CASZ1: variants seen among roughly 807,000 people sequenced by gnomAD.
The protein encoded by CASZ1 is zinc finger protein castor homolog 1.
Under a neutral mutation model 135.2 loss-of-function variants are expected in CASZ1, and 28 were observed. The ratio of observed to expected loss-of-function variants is 0.21; its 90% CI spans 0.15 to 0.28. The LOEUF (loss-of-function observed/expected upper bound fraction) is 0.28. CASZ1 is among the 10% of genes least tolerant of loss of function. The pLI is 1.00. For synonymous variants in CASZ1, 1,068 were observed against 1,073.4 expected, an observed-to-expected ratio of 0.99 and a Z score of 0.10; for missense variants, 2,161 against 2,453.3, an observed-to-expected ratio of 0.88 and a Z score of 2.52.
intron 2 of CASZ1, among the ~76,000 whole-genome samples, chr1:10,723,177 G>A (rs570103615): frequency 6.6e-6 from 1 of 152,338 alleles, no homozygotes; most frequent in African/African-American, 2.4e-5. Flanking sequence ...GGCCCCGCCT[G>A]CCAGTGTGGA....
Position 10,713,034 on chromosome 1 carries a change from G to A in CASZ1, c.-76-7490C>T, listed in dbSNP as rs555311999. 5.9e-5 allele frequency among the ~76,000 whole-genome samples: 9 copies of A among 152,286 alleles called. No homozygotes were observed. In the South Asian group the frequency reaches 1.5e-3, roughly 25 times the overall value. On this transcript the variant is annotated intron_variant, in intron 2 of 20. Transcript: ENST00000377022. ...GCAGCCCCCTCAAGCTCCTGCCCCC[G>A]CCCTCCTGCCTGTTCCAGAATGCGT...
In CASZ1 at chr1:10,649,519, C is replaced by G. The variant is rs1642490585; in HGVS notation, c.2881-82G>C. The stretch of plus-strand genomic sequence containing the variant: ...AGCCTGGGGAGCAACAGCCGAAGCT[C>G]TGGGCTGCTGGGACCCACCCAGCCC... On this transcript the variant is annotated intron_variant, in intron 13 of 20. Transcript: ENST00000377022. 1.4e-5 allele frequency: 20 copies of G among 1,458,128 alleles called. 1 individual carries two copies. In the South Asian group the frequency reaches 2.7e-4, roughly 20 times the overall value. 90.3% of individuals were successfully genotyped at this position (1,458,128 alleles called of 1,614,324 possible).
intron 2 of CASZ1, among the ~76,000 whole-genome samples, chr1:10,716,141 C>A (rs1254868198): frequency 1.3e-5 from 2 of 148,574 alleles, no homozygotes; most frequent in African/African-American, 2.5e-5. Flanking sequence ...CCAATCCGCT[C>A]CCCACAGCAC....
rs965144616 is a variant in CASZ1 at position 10,638,038 on chromosome 1, C to T, written c.*904G>A. 6.6e-6 allele frequency: 1 copy of T among 152,484 alleles called. No individual in the cohort carries two copies. The highest frequency in any genetic ancestry group is 1.5e-5 in the Non-Finnish European group (1 of 68,068). 9.4% of individuals were successfully genotyped at this position (152,484 alleles called of 1,614,324 possible). A position where few individuals can be genotyped will look rare whatever the true frequency, so the allele number is the denominator to read the frequency against. On this transcript the variant is annotated 3_prime_UTR_variant, in exon 21 of 21. Coordinates refer to ENST00000377022, the MANE Select transcript of CASZ1 (RefSeq NM_001079843.3). This position sits in a 1 kb window ranked among gnomAD's most constrained non-coding sequence, Gnocchi z 5.9. ...TACAAAAACCCTGGACCAAATCCCA[C>T]AGGATAAACGGGACTGAGCCTCCAA...
chr1:10,639,485 G>C lies in CASZ1; in HGVS notation c.4737C>G (p.Arg1579=). The C allele has an allele frequency of 1.2e-6, 2 of 1,610,514 alleles. No homozygotes were observed. The highest frequency in any genetic ancestry group is 8.5e-7 in the Non-Finnish European group (1 of 1,179,126). ...TCTGCGACATGCCCACCACCGTGTGGCGGCAGCCCGGGAAGGTGCAGTGGA... is the reference window on the plus strand; with the variant it reads ...TCTGCGACATGCCCACCACCGTGTGCCGGCAGCCCGGGAAGGTGCAGTGGA... ...SHFHCTFPGC[R]HTVVGMSQMD... is the part of the protein sequence containing the mutation. The change falls in exon 21 of 21, where the codon CGC becomes CGG. Residue 1579 remains arginine (R), a synonymous_variant. Coordinates refer to ENST00000377022, the MANE Select transcript of CASZ1 (RefSeq NM_001079843.3). The surrounding 1 kb of genome is among the most constrained non-coding windows in gnomAD (Gnocchi z 4.0).
intron 18 of CASZ1, among the ~76,000 whole-genome samples, chr1:10,644,089 G>T (rs1486076196): frequency 2.0e-5 from 3 of 152,144 alleles, no homozygotes; most frequent in African/African-American, 7.2e-5. Flanking sequence ...TTCACTTTTG[G>T]AAGGACCAGA....
intron 2 of CASZ1, among the ~76,000 whole-genome samples, chr1:10,742,701 T>C (rs1239571259): frequency 6.6e-6 from 1 of 152,162 alleles, no homozygotes; most frequent in African/African-American, 2.4e-5. Context: ...TAGAAGCCTC[T>C]GGCCGGGTGT....
intron 2 of CASZ1, among the ~76,000 whole-genome samples, chr1:10,714,010 T>G (rs2100463805): frequency 6.6e-6 from 1 of 152,286 alleles, no homozygotes; most frequent in East Asian, 1.9e-4. Context: ...AAATGAAGGT[T>G]AAGAAACAAG....
At chr1:10,703,722 C>T (rs531385516) in intron 3 of CASZ1, among the ~76,000 whole-genome samples, 17 of 152,218 alleles carry the variant, frequency 1.1e-4, no homozygotes, top group East Asian at 5.8e-4. Flanking sequence ...GAGCGGGGGC[C>T]GGAAAACTTT....
rs964165266 is a variant in CASZ1, at chr1:10,726,097, C to T, written c.-76-20553G>A. ...ACCTATGGGGCAGGGCCTATACTAT[C>T]ACCACCACCACTACTACCAGTACTA... On this transcript the variant is annotated intron_variant, in intron 2 of 20. Coordinates refer to ENST00000377022, the MANE Select transcript of CASZ1 (RefSeq NM_001079843.3). The surrounding 1 kb of genome is among the most constrained non-coding windows in gnomAD (Gnocchi z 5.7). 3.3e-5 allele frequency among the ~76,000 whole-genome samples: 5 copies of T among 152,200 alleles called. No individual in the cohort carries two copies. In the South Asian group the frequency reaches 1.0e-3, roughly 31 times the overall value.
intron 2 of CASZ1, among the ~76,000 whole-genome samples, chr1:10,731,845 A>G (rs1017310808): frequency 3.3e-5 from 5 of 152,232 alleles, no homozygotes; most frequent in Admixed American, 6.5e-5. Flanking sequence ...AACTTGCCAA[A>G]AAATGTAAAG....
chr1:10,751,694 C>T (rs921881887), intron 2 of CASZ1, among the ~76,000 whole-genome samples: 12 of 152,274 alleles, frequency 7.9e-5, no homozygotes, highest in African/African-American at 2.2e-4. Context: ...GGTTCCCACT[C>T]GTGCGGCACC....
chr1:10,685,804 C>T (rs571390694), intron 4 of CASZ1, among the ~76,000 whole-genome samples: 8 of 152,324 alleles, frequency 5.3e-5, no homozygotes, highest in Non-Finnish European at 8.8e-5. Flanking sequence ...TCAAAAACCT[C>T]GAGGGCAGGG....
chr1:10,687,486 T>G (rs996632550), intron 4 of CASZ1, among the ~76,000 whole-genome samples: 1 of 152,232 alleles, frequency 6.6e-6, no homozygotes, highest in African/African-American at 2.4e-5. Context: ...GTGGCCCACA[T>G]ACCACGCCCG....
At position 10,706,403 on chromosome 1, in the gene CASZ1, A is replaced by C. The variant is rs1639174032; in HGVS notation, c.-76-859T>G. Among the ~76,000 whole-genome samples the C allele has an allele frequency of 6.6e-6, 1 of 152,124 alleles. No homozygotes were observed. The highest frequency in any genetic ancestry group is 2.1e-4 in the South Asian group (1 of 4,828). On this transcript the variant is annotated intron_variant, in intron 2 of 20. Transcript: ENST00000377022. This position sits in a 1 kb window ranked among gnomAD's most constrained non-coding sequence, Gnocchi z 4.3. ...CAGGCCCTGCCCCTGCAGGCCTCAG[A>C]ACCCTATCCAGGCTTGGGGAGGGCT...
rs1428569275 is a variant in CASZ1, at chr1:10,638,609, G to C, written c.*333C>G. 6.6e-6 allele frequency: 1 copy of C among 151,056 alleles called. No homozygotes were observed. Among genetic ancestry groups the C allele is most frequent in the East Asian group, 1.9e-4 (1 of 5,168 alleles). 9.4% of individuals were successfully genotyped at this position (151,056 alleles called of 1,614,324 possible). A position where few individuals can be genotyped will look rare whatever the true frequency, so the allele number is the denominator to read the frequency against. On this transcript the variant is annotated 3_prime_UTR_variant, in exon 21 of 21. Transcript: ENST00000377022. The surrounding 1 kb of genome is among the most constrained non-coding windows in gnomAD (Gnocchi z 5.9). ...CGTCCCAGTCCTGAGCAATGGTCGC[G>C]GGGCCGAATCGGCCGCGGGGAGGGG... is the stretch of plus-strand genomic sequence containing the variant.
At chr1:10,715,195 C>T (rs749160633) in intron 2 of CASZ1, among the ~76,000 whole-genome samples, 5 of 152,212 alleles carry the variant, frequency 3.3e-5, no homozygotes, top group Non-Finnish European at 7.3e-5. Context: ...CAACCTCCAT[C>T]CTGTTTGAGG....
At chr1:10,704,040 C>G (rs915530986) in intron 3 of CASZ1, among the ~76,000 whole-genome samples, 1 of 152,056 alleles carries the variant, frequency 6.6e-6, no homozygotes, top group Non-Finnish European at 1.5e-5. Context: ...ACCTCATGGG[C>G]GGAGGTTTCT....
At chr1:10,795,801 G>T (rs1641056663) in intron 1 of CASZ1, among the ~76,000 whole-genome samples, 1 of 152,068 alleles carries the variant, frequency 6.6e-6, no homozygotes, top group Non-Finnish European at 1.5e-5. Context: ...TGAAAAAGGG[G>T]GCGCCGCTCC....
Sources: allele counts gnomAD v4.1 joint callset (sites outside exome capture counted in the v4.1 genomes callset), GRCh38; gene constraint gnomAD v4.1.1; non-coding constraint Gnocchi (gnomAD v3.1); transcripts MANE v1.5; gene names NCBI Gene and HGNC (gene_info 2026-07-23, HGNC 2026-07-21).